Variants in PTPRG observed in about 807,000 individuals in gnomAD.
The protein encoded by PTPRG is protein tyrosine phosphatase receptor type G.
Under a neutral mutation model 165.3 loss-of-function variants are expected in PTPRG, and 102 were observed. The ratio of observed to expected loss-of-function variants is 0.62; its 90% CI spans 0.53 to 0.73. PTPRG has a LOEUF of 0.73. Among genes scored for constraint, PTPRG ranks in the 30% least tolerant of loss-of-function variants. The pLI is 0.00. For missense variants in PTPRG, 1,866 were observed against 1,861.4 expected (o/e 1.00, Z -0.05); for synonymous variants, 675 against 669.5 (o/e 1.01, Z -0.13).
chr3:61,998,856 A>G (rs761429230), intron 3 of PTPRG, among the ~76,000 whole-genome samples: 1 of 152,220 alleles, frequency 6.6e-6, no homozygotes, highest in Non-Finnish European at 1.5e-5. Flanking sequence ...TGTCCTAGTT[A>G]GTTCAGGCTG....
Position 62,271,350 on chromosome 3 carries a change from G to C in PTPRG, c.3010-33G>C. On this transcript the variant is annotated intron_variant, in intron 20 of 29. Coordinates refer to ENST00000474889, the MANE Select transcript of PTPRG (RefSeq NM_002841.4). The surrounding 1 kb of genome is among the most constrained non-coding windows in gnomAD (Gnocchi z 4.1). Reference sequence around the variant, plus strand: ...TTTTTTCCAGAATGTCCACCCCCCCGCTTAAAGACATCTTTTTTCACTTTT... The same window carrying C: ...TTTTTTCCAGAATGTCCACCCCCCCCCTTAAAGACATCTTTTTTCACTTTT... 8.4e-6 allele frequency: 13 copies of C among 1,545,848 alleles called. No homozygotes were observed. Among genetic ancestry groups the C allele is most frequent in the Non-Finnish European group, 9.7e-6 (11 of 1,138,002 alleles).
At chr3:62,081,113 C>T (rs1184068423) in intron 5 of PTPRG, among the ~76,000 whole-genome samples, 3 of 151,684 alleles carry the variant, frequency 2.0e-5, no homozygotes, top group East Asian at 2.0e-4. Flanking sequence ...AAAAATTAGC[C>T]GGGCGTGGTG....
chr3:62,230,840 C>G (rs181549621), intron 13 of PTPRG, among the ~76,000 whole-genome samples: 59 of 152,288 alleles, frequency 3.9e-4, no homozygotes, highest in Non-Finnish European at 7.1e-4. Flanking sequence ...TCTCCAAGTT[C>G]ACTTTACTCC....
intron 12 of PTPRG, among the ~76,000 whole-genome samples, chr3:62,207,812 A>G (rs192828849): frequency 4.6e-4 from 70 of 152,298 alleles, no homozygotes; most frequent in Non-Finnish European, 8.5e-4. Context: ...CCAGACACCT[A>G]CAGAAACCAG....
chr3:61,604,953 G>A (rs1205901987), intron 1 of PTPRG, among the ~76,000 whole-genome samples: 1 of 152,124 alleles, frequency 6.6e-6, no homozygotes, highest in African/African-American at 2.4e-5. Context: ...GAACTGGAGG[G>A]GAATAAAATG....
chr3:61,873,138 T>C (rs1284466338), intron 2 of PTPRG, among the ~76,000 whole-genome samples: 1 of 152,164 alleles, frequency 6.6e-6, no homozygotes, highest in Non-Finnish European at 1.5e-5. Context: ...GATCAGGTAA[T>C]TTCATTTGTA....
Position 61,640,899 on chromosome 3 carries a change from A to G in PTPRG, c.85+78527A>G, listed in dbSNP as rs188728885. ...TCTTCCCTCAGTGTTTTAAGTGGGA[A>G]GGTGTTTGCCCATCAGAAGAGAAAC... On this transcript the variant is annotated intron_variant, in intron 1 of 29. Coordinates refer to ENST00000474889, the MANE Select transcript of PTPRG (RefSeq NM_002841.4). Among the ~76,000 whole-genome samples, 11 of 152,268 alleles carry G rather than the reference A, an allele frequency of 7.2e-5. No homozygotes were observed. The East Asian group carries it at 1.9e-3, about 27-fold the overall frequency.
At chr3:62,055,939 G>T (rs892256831) in intron 4 of PTPRG, among the ~76,000 whole-genome samples, 1 of 152,160 alleles carries the variant, frequency 6.6e-6, no homozygotes, top group Admixed American at 6.6e-5. Flanking sequence ...GTATACAGAG[G>T]ATAAGGACTT....
intron 4 of PTPRG, among the ~76,000 whole-genome samples, chr3:62,009,511 C>G (rs1225472756): frequency 6.6e-6 from 1 of 152,212 alleles, no homozygotes; most frequent in Non-Finnish European, 1.5e-5. Context: ...CCTGTCTGCT[C>G]AAATCCTGCC....
intron 1 of PTPRG, among the ~76,000 whole-genome samples, chr3:61,630,215 C>CT (rs1430016278): frequency 6.6e-6 from 1 of 152,188 alleles, no homozygotes; most frequent in East Asian, 1.9e-4. Context: ...TATTCTGGGT[C>CT]TTTTTTATGG....
chr3:61,812,870 T>C (rs1283887919), intron 2 of PTPRG, among the ~76,000 whole-genome samples: 2 of 152,250 alleles, frequency 1.3e-5, no homozygotes, highest in African/African-American at 4.8e-5. Flanking sequence ...GAATATTTAA[T>C]GTGCTCCTAC....
chr3:61,835,210 A>G (rs1235973762), intron 2 of PTPRG, among the ~76,000 whole-genome samples: 2 of 152,120 alleles, frequency 1.3e-5, no homozygotes, highest in Non-Finnish European at 2.9e-5. Context: ...CTGTGCCTCA[A>G]TTACCTCAAT....
chr3:61,953,857 G>GA (rs112714584), intron 2 of PTPRG, among the ~76,000 whole-genome samples: 115,907 of 152,144 alleles, frequency 0.76, 44,380 homozygotes, highest in Middle Eastern at 0.84. Context: ...ACAAGGGAGT[G>GA]TATTTTCTGC....
intron 4 of PTPRG, among the ~76,000 whole-genome samples, chr3:62,027,119 A>T (rs1645241668): frequency 6.6e-6 from 1 of 151,888 alleles, no homozygotes; most frequent in Non-Finnish European, 1.5e-5. Context: ...TTAAGCATAG[A>T]TCCCCCTTCT....
At chr3:61,916,304 G>C (rs1314304313) in intron 2 of PTPRG, among the ~76,000 whole-genome samples, 1 of 152,128 alleles carries the variant, frequency 6.6e-6, no homozygotes, top group Non-Finnish European at 1.5e-5. Flanking sequence ...TGAAAATATA[G>C]TTTGATTCAG....
At chr3:62,259,279 A>G (rs1187048127) in intron 16 of PTPRG, among the ~76,000 whole-genome samples, 1 of 152,218 alleles carries the variant, frequency 6.6e-6, no homozygotes, top group Non-Finnish European at 1.5e-5. Context: ...GCTGCCTGCA[A>G]GAGGGCAGAA....
intron 6 of PTPRG, among the ~76,000 whole-genome samples, chr3:62,151,139 A>G (rs960945215): frequency 2.6e-5 from 4 of 152,226 alleles, no homozygotes; most frequent in Admixed American, 6.5e-5. Context: ...TTGCACTGCT[A>G]TCAGAAGTAA....
intron 5 of PTPRG, among the ~76,000 whole-genome samples, chr3:62,089,748 T>C (rs1701869564): frequency 6.6e-6 from 1 of 152,198 alleles, no homozygotes; most frequent in South Asian, 2.1e-4. Flanking sequence ...TCTGAGTATG[T>C]ATTAAGTTGT....
intron 1 of PTPRG, chr3:61,742,415 T>TTC: frequency 8.0e-7 from 1 of 1,246,774 alleles, no homozygotes; most frequent in South Asian, 1.9e-5. Flanking sequence ...TTTTTTTTTT[T>TTC]TTTTTTTTGA....
Sources: gnomAD v4.1 joint callset for allele counts (sites outside exome capture counted in the v4.1 genomes callset) on GRCh38, gnomAD v4.1.1 for gene constraint, Gnocchi (gnomAD v3.1) non-coding constraint, MANE v1.5 for transcripts, NCBI Gene and HGNC (gene_info 2026-07-23, HGNC 2026-07-21) for gene names.